Variants in UMAD1 observed in about 807,000 individuals in gnomAD.
The protein encoded by UMAD1 is UBAP1-MVB12-associated (UMA)-domain containing protein 1.
A neutral mutation model predicts 6.1 loss-of-function variants in UMAD1; 8 were observed. The ratio of observed to expected loss-of-function variants is 1.30; its 90% CI spans 0.76 to 2.35. The LOEUF is 2.35. UMAD1 is among the 30% of genes most tolerant of loss of function. The pLI, the probability that UMAD1 is intolerant of heterozygous loss-of-function variation, is 0.00. For missense variants in UMAD1, 130 were observed against 78.4 expected (o/e 1.66, Z -2.49); for synonymous variants, 56 against 31.4 (o/e 1.78, Z -2.61).
chr7:7,674,679 CCCTT>C (rs1779693692), intron 2 of UMAD1, among the ~76,000 whole-genome samples: 1 of 151,850 alleles, frequency 6.6e-6, no homozygotes, highest in Non-Finnish European at 1.5e-5. Flanking sequence ...GCTAATATGA[CCCTT>C]CCTTCATAGT....
At chr7:7,855,789 A>G (rs1784006319) in intron 3 of UMAD1, among the ~76,000 whole-genome samples, 1 of 152,160 alleles carries the variant, frequency 6.6e-6, no homozygotes, top group African/African-American at 2.4e-5. Flanking sequence ...TTTCTACTGT[A>G]TCATCTGGAT....
At chr7:7,790,428 C>A (rs753183952) in intron 2 of UMAD1, among the ~76,000 whole-genome samples, 1 of 152,318 alleles carries the variant, frequency 6.6e-6, no homozygotes, top group South Asian at 2.1e-4. Flanking sequence ...GTATTGTAGC[C>A]CAACTAAAAG....
At chr7:7,778,063 T>C (rs973624658) in intron 2 of UMAD1, among the ~76,000 whole-genome samples, 1 of 152,240 alleles carries the variant, frequency 6.6e-6, no homozygotes, top group African/African-American at 2.4e-5. Flanking sequence ...TTACTCTCTA[T>C]TGATCATCAC....
intron 1 of UMAD1, among the ~76,000 whole-genome samples, chr7:7,663,772 A>G (rs1785535467): frequency 6.6e-6 from 1 of 152,214 alleles, no homozygotes; most frequent in African/African-American, 2.4e-5. Context: ...CCGGGGCAAT[A>G]ACGAATGCAT....
intron 2 of UMAD1, among the ~76,000 whole-genome samples, chr7:7,692,918 T>G (rs1293827744): frequency 6.6e-6 from 1 of 152,212 alleles, no homozygotes; most frequent in East Asian, 1.9e-4. Flanking sequence ...AAATGTGGCT[T>G]TTAAAATGGT....
intron 2 of UMAD1, among the ~76,000 whole-genome samples, chr7:7,678,349 G>T (rs1290665875): frequency 1.4e-5 from 2 of 148,012 alleles, no homozygotes; most frequent in African/African-American, 5.0e-5. Flanking sequence ...AATATTGAAC[G>T]TTTTTTTAAT....
intron 1 of UMAD1, among the ~76,000 whole-genome samples, chr7:7,660,716 C>G (rs1785453783): frequency 6.6e-6 from 1 of 152,216 alleles, no homozygotes; most frequent in Non-Finnish European, 1.5e-5. Context: ...CAGCCTTTCT[C>G]TCTGGCTGCC....
intron 3 of UMAD1, among the ~76,000 whole-genome samples, chr7:7,817,787 T>C: frequency 6.6e-6 from 1 of 152,208 alleles, no homozygotes; most frequent in East Asian, 1.9e-4. Flanking sequence ...TGGTACTTTT[T>C]ACCTTTTAGA....
chr7:7,660,416 G>T (rs1185855083), intron 1 of UMAD1, among the ~76,000 whole-genome samples: 1 of 152,142 alleles, frequency 6.6e-6, no homozygotes, highest in Non-Finnish European at 1.5e-5. Context: ...TTACAATTTG[G>T]TATGTTTTTG....
intron 3 of UMAD1, among the ~76,000 whole-genome samples, chr7:7,824,006 T>A (rs1480216923): frequency 1.3e-5 from 2 of 152,098 alleles, no homozygotes; most frequent in African/African-American, 4.8e-5. Flanking sequence ...TTATAAACAA[T>A]GTTGAGGGCA....
intron 2 of UMAD1, among the ~76,000 whole-genome samples, chr7:7,756,191 G>A (rs931179191): frequency 2.6e-5 from 4 of 152,128 alleles, no homozygotes; most frequent in Non-Finnish European, 1.5e-5. Context: ...CCTTTTCTGT[G>A]GAAGATCAGG....
At chr7:7,833,327 A>G (rs1468330621) in intron 3 of UMAD1, among the ~76,000 whole-genome samples, 2 of 152,142 alleles carry the variant, frequency 1.3e-5, no homozygotes, top group Non-Finnish European at 2.9e-5. Context: ...TTGGGAGTGA[A>G]AAAGAGAGTT....
chr7:7,777,587 A>ATG (rs1782240915), intron 2 of UMAD1, among the ~76,000 whole-genome samples: 1 of 144,276 alleles, frequency 6.9e-6, no homozygotes, highest in African/African-American at 2.6e-5. Flanking sequence ...ATATATATAT[A>ATG]TATATATATA....
chr7:7,838,558 T>C (rs1276958146), intron 3 of UMAD1, among the ~76,000 whole-genome samples: 1 of 152,184 alleles, frequency 6.6e-6, no homozygotes, highest in Non-Finnish European at 1.5e-5. Flanking sequence ...CATTTCTTCA[T>C]TAAATACGTG....
chr7:7,850,626 GTA>G (rs1324569758), intron 3 of UMAD1, among the ~76,000 whole-genome samples: 3 of 151,888 alleles, frequency 2.0e-5, no homozygotes, highest in Non-Finnish European at 4.4e-5. Flanking sequence ...ATTATTTCTG[GTA>G]TATAATCAGT....
chr7:7,668,465 TTTA>T (rs1483771147), intron 1 of UMAD1, among the ~76,000 whole-genome samples: 5 of 152,180 alleles, frequency 3.3e-5, no homozygotes, highest in East Asian at 1.9e-4. Flanking sequence ...ATAGTTCTAT[TTTA>T]TTATTAGTTA....
intron 2 of UMAD1, among the ~76,000 whole-genome samples, chr7:7,783,763 A>G (rs1363345595): frequency 1.3e-5 from 2 of 152,212 alleles, no homozygotes; most frequent in Non-Finnish European, 2.9e-5. Context: ...AAAAACTAAC[A>G]ACAAAAAACT....
chr7:7,751,287 A>G (rs1019177849), intron 2 of UMAD1, among the ~76,000 whole-genome samples: 1 of 152,204 alleles, frequency 6.6e-6, no homozygotes, highest in East Asian at 1.9e-4. Context: ...GGGGCAAATA[A>G]AACTTTTAGA....
chr7:7,839,356 A>C (rs1378868464), intron 3 of UMAD1, among the ~76,000 whole-genome samples: 2 of 152,082 alleles, frequency 1.3e-5, no homozygotes, highest in African/African-American at 4.8e-5. Flanking sequence ...GACCACAGAC[A>C]CATGCCATCA....
Sources: gnomAD v4.1 joint callset for allele counts (sites outside exome capture counted in the v4.1 genomes callset) on GRCh38, gnomAD v4.1.1 for gene constraint, MANE v1.5 for transcripts, NCBI Gene and HGNC (gene_info 2026-07-23, HGNC 2026-07-21) for gene names.